Variants in SUPT3H observed in about 807,000 individuals in gnomAD.
SUPT3H encodes the protein transcription initiation protein SPT3 homolog.
A neutral mutation model predicts 44.3 loss-of-function variants in SUPT3H; 44 were observed. That is an observed-to-expected ratio of 0.99 (90% CI 0.78 to 1.28). SUPT3H has a LOEUF of 1.28. Among genes scored for constraint, SUPT3H ranks in the 50% most tolerant of loss-of-function variants. SUPT3H has a pLI of 0.00. For missense variants in SUPT3H, 380 were observed against 387.1 expected (o/e 0.98, Z 0.15); for synonymous variants, 124 against 125.6 (o/e 0.99, Z 0.09).
chr6:45,172,319 C>G (rs990717862), intron 2 of SUPT3H, among the ~76,000 whole-genome samples: 1 of 151,814 alleles, frequency 6.6e-6, no homozygotes, highest in Non-Finnish European at 1.5e-5. Flanking sequence ...GATCCGCCCC[C>G]CTCGGCCTCC....
intron 6 of SUPT3H, among the ~76,000 whole-genome samples, chr6:44,990,593 G>C (rs1009923914): frequency 3.9e-5 from 6 of 151,900 alleles, no homozygotes. Context: ...GCCTGGTTGG[G>C]GGTGATTGGA....
At chr6:45,014,747 C>T in intron 5 of SUPT3H, 54 bp downstream of exon 5, 3 of 1,269,002 alleles carry the variant, frequency 2.4e-6, no homozygotes, top group African/African-American at 1.5e-5. Context: ...ATGTGTTATC[C>T]AGCACACATG....
chr6:45,171,489 CATGCT>C (rs1215976911), intron 2 of SUPT3H, among the ~76,000 whole-genome samples: 1 of 152,066 alleles, frequency 6.6e-6, no homozygotes, highest in African/African-American at 2.4e-5. Flanking sequence ...GAAATCAGTA[CATGCT>C]ATTTTTAATC....
chr6:45,050,278 A>AGT (rs57510967), intron 3 of SUPT3H, among the ~76,000 whole-genome samples: 2,814 of 147,390 alleles, frequency 0.019, 93 homozygotes, highest in African/African-American at 0.062. Context: ...CTTTTTCTGC[A>AGT]GTGTGTGTGT....
chr6:45,303,079 A>G (rs543910719), intron 2 of SUPT3H, among the ~76,000 whole-genome samples: 179 of 152,328 alleles, frequency 1.2e-3, no homozygotes, highest in African/African-American at 3.9e-3. Flanking sequence ...AAGGAGAGTG[A>G]AACTGGATCC....
At chr6:45,001,116 A>G (rs1001338419) in intron 6 of SUPT3H, among the ~76,000 whole-genome samples, 3 of 152,052 alleles carry the variant, frequency 2.0e-5, no homozygotes, top group African/African-American at 7.2e-5. Context: ...TTGGTTGACA[A>G]TATTTGATTA....
intron 8 of SUPT3H, among the ~76,000 whole-genome samples, chr6:44,954,184 T>C (rs904449284): frequency 6.6e-6 from 1 of 152,198 alleles, no homozygotes; most frequent in Admixed American, 6.5e-5. Flanking sequence ...AAAGGTGTTT[T>C]TCAAAGCTCA....
chr6:45,340,039 A>G (rs895464330), intron 2 of SUPT3H, among the ~76,000 whole-genome samples: 1 of 152,204 alleles, frequency 6.6e-6, no homozygotes, highest in Non-Finnish European at 1.5e-5. Flanking sequence ...AAGAGATGGG[A>G]TTCCAACCCA....
At chr6:44,869,325 G>T (rs1362431221) in intron 10 of SUPT3H, among the ~76,000 whole-genome samples, 1 of 152,064 alleles carries the variant, frequency 6.6e-6, no homozygotes, top group Non-Finnish European at 1.5e-5. Flanking sequence ...AACTCCTTGG[G>T]AGTTCATTTC....
chr6:45,216,515 T>C (rs1290973965), intron 2 of SUPT3H, among the ~76,000 whole-genome samples: 1 of 152,124 alleles, frequency 6.6e-6, no homozygotes, highest in African/African-American at 2.4e-5. Context: ...ATAAACTGAA[T>C]AAATTATTTT....
intron 2 of SUPT3H, among the ~76,000 whole-genome samples, chr6:45,301,288 C>T (rs1176920173): frequency 6.6e-6 from 1 of 152,204 alleles, no homozygotes; most frequent in African/African-American, 2.4e-5. Flanking sequence ...AAACACAGAG[C>T]AGGTACAATT....
At chr6:45,023,923 CAA>C (rs1785549702) in intron 3 of SUPT3H, among the ~76,000 whole-genome samples, 1 of 151,886 alleles carries the variant, frequency 6.6e-6, no homozygotes, top group Non-Finnish European at 1.5e-5. Flanking sequence ...AAAAACAAAA[CAA>C]AACAAAACAA....
chr6:44,833,643 T>C lies in SUPT3H; in HGVS notation c.913-3786A>G, dbSNP rs116770591. ...CTGAGATACATGGTTTTATGGTTTA[T>C]GAAATATTTTCATGTCTGTATCTAA... On this transcript the variant is annotated intron_variant, in intron 10 of 10. Transcript: ENST00000371459. 6.3e-3 allele frequency among the ~76,000 whole-genome samples: 953 copies of C among 152,288 alleles called. 18 individuals carry two copies. Among genetic ancestry groups the C allele is most frequent in the African/African-American group, 0.022 (899 of 41,574 alleles).
intron 2 of SUPT3H, among the ~76,000 whole-genome samples, chr6:45,177,011 C>T (rs773871897): frequency 9.2e-5 from 14 of 151,890 alleles, no homozygotes; most frequent in Non-Finnish European, 1.5e-4. Flanking sequence ...AAACAGAGTG[C>T]CTCTCCTCCT....
chr6:45,320,123 C>T (rs898211768), intron 2 of SUPT3H, among the ~76,000 whole-genome samples: 8 of 151,792 alleles, frequency 5.3e-5, no homozygotes, highest in Non-Finnish European at 1.2e-4. Context: ...CGATCTTTCA[C>T]GTAACAATAT....
chr6:45,149,227 G>A (rs979781882), intron 2 of SUPT3H, among the ~76,000 whole-genome samples: 2 of 152,072 alleles, frequency 1.3e-5, no homozygotes, highest in African/African-American at 4.8e-5. Flanking sequence ...GTCCAAAGTG[G>A]AAATGAACTG....
intron 1 of SUPT3H, among the ~76,000 whole-genome samples, chr6:45,367,817 C>A (rs1309178147): frequency 6.6e-6 from 1 of 152,162 alleles, no homozygotes; most frequent in African/African-American, 2.4e-5. Flanking sequence ...TTTATTATAA[C>A]CATGATCATC....
chr6:45,091,859 T>C (rs1797165677), intron 3 of SUPT3H, among the ~76,000 whole-genome samples: 1 of 151,926 alleles, frequency 6.6e-6, no homozygotes, highest in Non-Finnish European at 1.5e-5. Context: ...GAAAAAGTTT[T>C]TGGTCATATA....
At chr6:45,120,042 G>T (rs1801390829) in intron 2 of SUPT3H, among the ~76,000 whole-genome samples, 2 of 151,840 alleles carry the variant, frequency 1.3e-5, no homozygotes, top group Admixed American at 1.3e-4. Flanking sequence ...GACTCTAAAA[G>T]GTAAGTACTA....
Sources: allele counts gnomAD v4.1 joint callset (sites outside exome capture counted in the v4.1 genomes callset), GRCh38; gene constraint gnomAD v4.1.1; transcripts MANE v1.5; gene names NCBI Gene and HGNC (gene_info 2026-07-23, HGNC 2026-07-21).